RBM41: variants seen among roughly 807,000 people sequenced by gnomAD.
RBM41 encodes RNA-binding protein 41.
A neutral mutation model predicts 30.8 loss-of-function variants in RBM41; 14 were observed. The observed-to-expected ratio is 0.45, with a 90% CI of 0.30 to 0.71. The LOEUF (loss-of-function observed/expected upper bound fraction) is 0.71, where lower values mean the gene tolerates loss of function less well. RBM41 is among the 30% of genes least tolerant of loss of function. The pLI is 0.08. For synonymous variants in RBM41, 120 were observed against 110.1 expected (o/e 1.09, Z -0.56); for missense variants, 276 against 326.3 (o/e 0.85, Z 1.19).
Position 107,069,331 on chromosome X carries a change from C to T in RBM41, c.1071G>A (p.Gln357=), listed in dbSNP as rs769522106. Reference sequence around the variant, plus strand: ...ATTGAATTGGAGGTCCTTTTTTCTCCTGGAACCGAGCGAACAATGACACAA... The same window carrying T: ...ATTGAATTGGAGGTCCTTTTTTCTCTTGGAACCGAGCGAACAATGACACAA... ...RDLVSLFARF[Q]EKKGPPIQFR... is the part of the protein sequence containing the mutation. Residue 357 remains glutamine (Q), a synonymous_variant, in exon 7 of 8, where the codon CAG becomes CAA. Transcript: ENST00000685964. 1.0e-4 allele frequency: 125 copies of T among 1,208,359 alleles called. No homozygotes were observed. Among genetic ancestry groups the T allele is most frequent in the Middle Eastern group, 4.6e-4 (2 of 4,305 alleles).
At chrX:107,118,399 A>T (rs1408373554) in intron 1 of RBM41, among the ~76,000 whole-genome samples, 1 of 111,338 alleles carries the variant, frequency 9.0e-6, no homozygotes, top group African/African-American at 3.3e-5. Flanking sequence ...GAGGTAGGGG[A>T]GAACGGCGAG....
intron 4 of RBM41, chrX:107,114,454 T>G (rs1924735617): frequency 8.9e-6 from 1 of 112,279 alleles, no homozygotes; most frequent in Admixed American, 9.4e-5. Context: ...AATTTTTAGC[T>G]ACCTTTCTAA....
rs1027107946 is a variant in RBM41, at chrX:107,065,627, T to C, written c.*1900A>G. 43 of 579,867 alleles carry C rather than the reference T, an allele frequency of 7.4e-5. 2 individuals are homozygous for C. In the South Asian group the frequency reaches 2.1e-3, roughly 28 times the overall value. 47.8% of individuals were successfully genotyped at this position (579,867 alleles called of 1,213,427 possible). ...AGAAGCTGAGAGAAGAGTAAGTATATGTTTATAGTTTTTTTATATTAAACT... is the reference window on the plus strand; with the variant it reads ...AGAAGCTGAGAGAAGAGTAAGTATACGTTTATAGTTTTTTTATATTAAACT... On this transcript the variant is annotated 3_prime_UTR_variant, in exon 8 of 8. Coordinates refer to ENST00000685964, the MANE Select transcript of RBM41 (RefSeq NM_001324242.2).
At chrX:107,104,252 A>T (rs1452928503) in intron 5 of RBM41, among the ~76,000 whole-genome samples, 3 of 111,734 alleles carry the variant, frequency 2.7e-5, no homozygotes, top group Non-Finnish European at 5.6e-5. Context: ...ACTCTAATTA[A>T]CAGTATACAT....
At chrX:107,068,557 A>G (rs1418577146) in intron 7 of RBM41, among the ~76,000 whole-genome samples, 2 of 111,600 alleles carry the variant, frequency 1.8e-5, no homozygotes, top group Non-Finnish European at 3.8e-5. Context: ...AACCTTCAGT[A>G]TGATAGGAAA....
At chrX:107,082,584 C>A (rs968482338) in intron 6 of RBM41, among the ~76,000 whole-genome samples, 1 of 111,061 alleles carries the variant, frequency 9.0e-6, no homozygotes, top group African/African-American at 3.3e-5. Context: ...GAAGTGTTCC[C>A]TCTGCTTCCG....
chrX:107,071,354 C>G (rs1285542), intron 6 of RBM41, among the ~76,000 whole-genome samples: 5,983 of 110,598 alleles, frequency 0.054, 403 homozygotes, highest in African/African-American at 0.19. Flanking sequence ...AATAAACTCC[C>G]CAAGAGACAG....
downstream of RBM41, among the ~76,000 whole-genome samples, chrX:107,058,163 C>A (rs1935601041): frequency 9.2e-6 from 1 of 109,151 alleles, no homozygotes; most frequent in Non-Finnish European, 1.9e-5. Flanking sequence ...CGTGGTGGCA[C>A]ACACCTGTAA....
intron 5 of RBM41, among the ~76,000 whole-genome samples, chrX:107,095,621 T>G (rs1922902239): frequency 1.8e-5 from 2 of 109,103 alleles, no homozygotes; most frequent in African/African-American, 6.7e-5. Context: ...AAAAGAAATA[T>G]CAACTCAATT....
downstream of RBM41, among the ~76,000 whole-genome samples, chrX:107,058,048 C>T (rs985839845): frequency 9.0e-6 from 1 of 110,959 alleles, no homozygotes; most frequent in African/African-American, 3.3e-5. Flanking sequence ...AATCCCAGCA[C>T]TTAGGGAGGC....
chrX:107,053,926 C>T, the RBM41 span, among the ~76,000 whole-genome samples: 1 of 110,952 alleles, frequency 9.0e-6, no homozygotes, highest in African/African-American at 3.3e-5. Flanking sequence ...ATAGCAGTTG[C>T]GGGGCATATG....
chrX:107,054,723 AT>A, the RBM41 span, among the ~76,000 whole-genome samples: 10 of 111,783 alleles, frequency 8.9e-5, no homozygotes. Context: ...CCTTTGGATA[AT>A]TTTAGACCTA....
chrX:107,081,464 GTTC>G (rs769807685), intron 6 of RBM41, among the ~76,000 whole-genome samples: 1 of 111,319 alleles, frequency 9.0e-6, no homozygotes, highest in East Asian at 2.8e-4. Context: ...CTTCAAATTT[GTTC>G]TTCTTCAGGA....
intron 5 of RBM41, among the ~76,000 whole-genome samples, chrX:107,101,903 T>C (rs1293808253): frequency 9.0e-6 from 1 of 111,710 alleles, no homozygotes. Flanking sequence ...AGCTGCTTGA[T>C]GGTAAAAGCC....
chrX:107,086,846 G>T (rs1451656782), intron 6 of RBM41, among the ~76,000 whole-genome samples: 1 of 112,066 alleles, frequency 8.9e-6, no homozygotes, highest in African/African-American at 3.2e-5. Flanking sequence ...TATAACAAAT[G>T]ATGGTCTATT....
At chrX:107,116,888 T>C in intron 1 of RBM41, 122 bp from the exon 2 acceptor site, 1 of 666,242 alleles carries the variant, frequency 1.5e-6, no homozygotes, top group Non-Finnish European at 2.2e-6. Flanking sequence ...CTCCAACAAT[T>C]CATTGCCCTT....
chrX:107,069,866 T>TAA (rs72211602), intron 6 of RBM41: 26 of 82,262 alleles, frequency 3.2e-4, no homozygotes, highest in Middle Eastern at 6.8e-3. Flanking sequence ...TATAGGCACT[T>TAA]AAAAAAAAAA....
At chrX:107,115,659 G>T in intron 3 of RBM41, 103 bp from the exon 4 acceptor site, 1 of 893,945 alleles carries the variant, frequency 1.1e-6, no homozygotes, top group Non-Finnish European at 1.6e-6. Flanking sequence ...AGAAATGAAT[G>T]TTTACAGAAA....
At chrX:107,068,451 A>T (rs909603215) in intron 7 of RBM41, among the ~76,000 whole-genome samples, 1 of 112,110 alleles carries the variant, frequency 8.9e-6, no homozygotes, top group Non-Finnish European at 1.9e-5. Flanking sequence ...CAACTAATAC[A>T]TCGTATTATG....
Sources: allele counts gnomAD v4.1 joint callset (sites outside exome capture counted in the v4.1 genomes callset), GRCh38; gene constraint gnomAD v4.1.1; transcripts MANE v1.5; gene names NCBI Gene and HGNC (gene_info 2026-07-23, HGNC 2026-07-21).